The following SGCE variants were observed in gnomAD, a reference collection of about 807,000 sequenced individuals.
SGCE encodes the protein epsilon-sarcoglycan.
In SGCE, 26 loss-of-function variants were observed where a neutral mutation model predicts 57.8. The observed-to-expected ratio is 0.45, with a 90% CI of 0.33 to 0.62. The LOEUF (loss-of-function observed/expected upper bound fraction) is 0.62, where lower values mean the gene tolerates loss of function less well. SGCE is among the 20% of genes least tolerant of loss of function. The pLI, the probability that SGCE is intolerant of heterozygous loss-of-function variation, is 0.02. For missense variants in SGCE, 468 were observed against 548.6 expected (o/e 0.85, Z 1.47); for synonymous variants, 183 against 189.5 (o/e 0.97, Z 0.28).
intron 5 of SGCE, among the ~76,000 whole-genome samples, chr7:94,613,558 A>AT (rs905255132): frequency 1.3e-5 from 2 of 152,026 alleles, no homozygotes; most frequent in African/African-American, 2.4e-5. Flanking sequence ...CTTGTGAAGA[A>AT]TTTTTTTTAT....
intron 6 of SGCE, 52 bp downstream of exon 6, chr7:94,603,238 C>T (rs1177857766): frequency 6.9e-7 from 1 of 1,457,290 alleles, no homozygotes; most frequent in African/African-American, 1.4e-5. Flanking sequence ...CAAACGTTAA[C>T]TCCAGCCACA....
At chr7:94,633,915 C>T (rs1460034899) in intron 1 of SGCE, among the ~76,000 whole-genome samples, 1 of 152,118 alleles carries the variant, frequency 6.6e-6, no homozygotes, top group Non-Finnish European at 1.5e-5. Flanking sequence ...CAAAAATGTC[C>T]AGAGAACACT....
chr7:94,593,920 G>A (rs1798034500), intron 9 of SGCE, among the ~76,000 whole-genome samples: 1 of 151,948 alleles, frequency 6.6e-6, no homozygotes. Flanking sequence ...AATCTTTGTT[G>A]AGAAGCTCTC....
At position 94,618,802 on chromosome 7, in the gene SGCE, G is replaced by A. The variant is rs1196762234; in HGVS notation, c.618C>T (p.Asp206=). 1 of 1,613,946 alleles carries A rather than the reference G, an allele frequency of 6.2e-7. No individual in the cohort carries two copies. The highest frequency in any genetic ancestry group is 1.7e-5 in the Admixed American group (1 of 59,996). The part of the protein sequence containing the change: ...LNAINITSAL[D]RGGRVPLPIN... ...TGGGAAGTGGCACCCTGCCACCCCT[G>A]TCTAGGGCCGATGTGATGTTTATGG... Residue 206 remains aspartate, a synonymous_variant, in exon 5 of 11, where the codon GAC becomes GAT. Transcript: ENST00000648936.
At chr7:94,619,017 A>G in intron 4 of SGCE, 61 bp from the exon 5 acceptor site, 1 of 1,227,932 alleles carries the variant, frequency 8.1e-7, no homozygotes, top group Non-Finnish European at 1.2e-6. Flanking sequence ...AAAAGGAAAC[A>G]AAAGAACAAT....
intron 5 of SGCE, 84 bp downstream of exon 5, chr7:94,618,674 G>C (rs1584636983): frequency 1.8e-6 from 2 of 1,120,870 alleles, no homozygotes; most frequent in East Asian, 4.9e-5. Context: ...AATGCAATAG[G>C]CCATCTTCCA....
intron 1 of SGCE, among the ~76,000 whole-genome samples, chr7:94,637,797 T>G (rs776417524): frequency 2.6e-5 from 4 of 152,118 alleles, no homozygotes; most frequent in Non-Finnish European, 4.4e-5. Flanking sequence ...AAGGGATGAC[T>G]GCAATCTAGT....
At chr7:94,592,575 A>T (rs2116611550) in intron 9 of SGCE, among the ~76,000 whole-genome samples, 1 of 152,298 alleles carries the variant, frequency 6.6e-6, no homozygotes, top group East Asian at 1.9e-4. Context: ...AATTTCATGC[A>T]TTTAAATAGA....
chr7:94,587,833 AAT>A lies in SGCE; in HGVS notation c.1297+854_1297+855del, dbSNP rs769394145. 133 of 1,534,924 alleles carry A rather than the reference AAT, an allele frequency of 8.7e-5. No homozygotes were observed. The African/African-American group carries it at 1.5e-3, about 17-fold the overall frequency. On this transcript the variant is annotated intron_variant, in intron 10 of 10. Transcript: ENST00000648936. ...ATCTCCTTAAATTCACGAAAGCAGTAATAGAGAAGATAATTTCTGAATGAAAA... is the reference window on the plus strand; with the variant it reads ...ATCTCCTTAAATTCACGAAAGCAGTAAGAGAAGATAATTTCTGAATGAAAA...
intron 8 of SGCE, 163 bp from the exon 9 acceptor site, chr7:94,599,126 ATACT>A (rs1160098960): frequency 1.7e-6 from 1 of 579,768 alleles, no homozygotes; most frequent in Non-Finnish European, 3.0e-6. Flanking sequence ...TACATCTCAC[ATACT>A]TTTAATATAA....
chr7:94,654,370 G>A (rs1808295350), intron 1 of SGCE, among the ~76,000 whole-genome samples: 1 of 152,096 alleles, frequency 6.6e-6, no homozygotes, highest in Non-Finnish European at 1.5e-5. Context: ...GAAAAATAAT[G>A]TCTCAGTTAA....
At chr7:94,606,235 T>C (rs1348953247) in intron 5 of SGCE, among the ~76,000 whole-genome samples, 1 of 152,124 alleles carries the variant, frequency 6.6e-6, no homozygotes, top group African/African-American at 2.4e-5. Context: ...ATAAAAAATA[T>C]CTACTTTAAA....
chr7:94,604,518 T>C (rs1393924115), intron 5 of SGCE, among the ~76,000 whole-genome samples: 1 of 151,912 alleles, frequency 6.6e-6, no homozygotes, highest in Non-Finnish European at 1.5e-5. Flanking sequence ...GCAAGTCATC[T>C]GGTACGGGCA....
intron 4 of SGCE, chr7:94,620,628 A>G (rs1802614172): frequency 6.6e-6 from 1 of 152,246 alleles, no homozygotes; most frequent in African/African-American, 2.4e-5. Flanking sequence ...GAAGTCTAAA[A>G]TCTATTCATT....
At chr7:94,654,774 G>C (rs1447418479) in intron 1 of SGCE, among the ~76,000 whole-genome samples, 1 of 152,148 alleles carries the variant, frequency 6.6e-6, no homozygotes, top group African/African-American at 2.4e-5. Context: ...AAAATAATCC[G>C]TAGCAATGTT....
chr7:94,635,593 A>C (rs1805501624), intron 1 of SGCE, among the ~76,000 whole-genome samples: 1 of 152,204 alleles, frequency 6.6e-6, no homozygotes, highest in African/African-American at 2.4e-5. Context: ...TCTGCATCAA[A>C]AGAACTCATT....
chr7:94,600,628 T>G lies in SGCE; in HGVS notation c.1037+18A>C. The G allele has an allele frequency of 6.4e-7, 1 of 1,561,108 alleles. No individual in the cohort carries two copies. Among genetic ancestry groups the G allele is most frequent in the South Asian group, 1.1e-5 (1 of 89,500 alleles). ...TTAGCAGGATCTCTAATTATCTTAT[T>G]AGTTTTAAAGTACTCACACGCCTTC... On this transcript the variant is annotated intron_variant, in intron 7 of 10. Transcript: ENST00000648936.
intron 5 of SGCE, among the ~76,000 whole-genome samples, chr7:94,609,263 A>G (rs1262901224): frequency 6.6e-6 from 1 of 152,268 alleles, no homozygotes; most frequent in East Asian, 1.9e-4. Flanking sequence ...GCAGTGGCTC[A>G]AGCCTGTAAT....
At chr7:94,587,618 T>C in intron 10 of SGCE, 1 of 1,397,938 alleles carries the variant, frequency 7.2e-7, no homozygotes, top group South Asian at 1.8e-5. Context: ...CCTTCATCAA[T>C]CTCCTGAATG....
Sources: allele counts gnomAD v4.1 joint callset (sites outside exome capture counted in the v4.1 genomes callset), GRCh38; gene constraint gnomAD v4.1.1; transcripts MANE v1.5; gene names NCBI Gene and HGNC (gene_info 2026-07-23, HGNC 2026-07-21).